The following PLEKHM1 variants were observed in gnomAD, a reference collection of about 807,000 sequenced individuals.
PLEKHM1 encodes pleckstrin homology and RUN domain containing M1.
PLEKHM1 carries 28 observed loss-of-function variants against 94.3 expected under a neutral mutation model. That is an observed-to-expected ratio of 0.30 (90% CI 0.22 to 0.41). PLEKHM1 has a LOEUF of 0.41. Ranked by LOEUF, PLEKHM1 falls within the 10% of genes least tolerant of loss-of-function variation. The pLI, the probability that PLEKHM1 is intolerant of heterozygous loss-of-function variation, is 1.00. For synonymous variants in PLEKHM1, 424 were observed against 581.2 expected, an observed-to-expected ratio of 0.73 and a Z score of 3.89; for missense variants, 907 against 1,358.6, an observed-to-expected ratio of 0.67 and a Z score of 5.22.
At chr17:45,458,584 C>A (rs963388909) in intron 5 of PLEKHM1, 145 bp from the exon 6 acceptor site, 1 of 791,828 alleles carries the variant, frequency 1.3e-6, no homozygotes, top group Admixed American at 2.1e-5. Context: ...GATTCTCCTG[C>A]CCCAGTCTCC....
rs1210772055 is a variant in PLEKHM1, at chr17:45,478,016, A to G, written c.180T>C (p.His60=). The G allele has an allele frequency of 3.7e-6, 6 of 1,614,162 alleles. No homozygotes were observed. Among genetic ancestry groups the G allele is most frequent in the East Asian group, 4.5e-5 (2 of 44,886 alleles). ...MCSALEAVFI[H]GLHAKHIRAE... ...CTCGGATGTGCTTGGCGTGCAGGCC[A>G]TGGATAAATACGGCCTCCAGGGCGC... The change falls in exon 3 of 12, where the codon CAT becomes CAC. Residue 60 remains histidine (H), a synonymous_variant. Coordinates refer to ENST00000430334, the MANE Select transcript of PLEKHM1 (RefSeq NM_014798.3).
chr17:45,445,596 A>G lies in PLEKHM1; in HGVS notation c.2711T>C (p.Val904Ala), dbSNP rs749387242. The change falls in exon 9 of 12, where the codon GTG becomes GCG. Residue 904 changes from valine to alanine, a missense_variant. Physicochemically the swap from Val to Ala is moderately conservative, Grantham distance 64 (BLOSUM62 0). This residue lies in a region of PLEKHM1 where 254 missense variants were observed against 451.1 expected (regional missense o/e 0.56). Coordinates refer to ENST00000430334, the MANE Select transcript of PLEKHM1 (RefSeq NM_014798.3). This position sits in a 1 kb window ranked among gnomAD's most constrained non-coding sequence, Gnocchi z 4.2. ...CACATGCTCGTACAGAGACGCGTTC[A>G]CCATCTGCAGGTTGATGAGGGGCTG... ...RAQPLINLQMVNASLYEHVER... is the reference protein window; with the variant it reads ...RAQPLINLQMANASLYEHVER... 3 of 1,613,756 alleles carry G rather than the reference A, an allele frequency of 1.9e-6. No homozygotes were observed. The highest frequency in any genetic ancestry group is 2.2e-5 in the South Asian group (2 of 91,074).
In PLEKHM1 at chr17:45,468,524, C is replaced by A. The variant is rs761357132; in HGVS notation, c.993G>T (p.Glu331Asp). The A allele has an allele frequency of 6.2e-7, 1 of 1,614,204 alleles. No homozygotes were observed. Among genetic ancestry groups the A allele is most frequent in the Admixed American group, 1.7e-5 (1 of 60,026 alleles). Residue 331 changes from glutamate (E) to aspartate (D), a missense_variant, in exon 5 of 12, where the codon GAG becomes GAT. Around this residue, in one of 3 missense-constraint regions of PLEKHM1, gnomAD observed 477 missense variants for 601.5 expected, o/e 0.79. Coordinates refer to ENST00000430334, the MANE Select transcript of PLEKHM1 (RefSeq NM_014798.3). The part of the protein sequence containing the change: ...VPTNGLSQET[E>D]IPTPQASLSL... ...AGAGCGAGGCCTGTGGTGTGGGGATCTCTGTTTCTTGGCTCAGTCCGTTGG... is the reference window on the plus strand; with the variant it reads ...AGAGCGAGGCCTGTGGTGTGGGGATATCTGTTTCTTGGCTCAGTCCGTTGG...
chr17:45,479,496 C>T (rs56159231), intron 2 of PLEKHM1, among the ~76,000 whole-genome samples: 17,682 of 138,334 alleles, frequency 0.13, 1,467 homozygotes, highest in Middle Eastern at 0.22. Context: ...CCAGCCTGGG[C>T]GACAGAGCGA....
rs1242064463 is a variant in PLEKHM1, at chr17:45,436,258, G to A, written c.*1600C>T. ...AGGGCTCTGACTAGGCTGGGCTTGT[G>A]GTGGAGCGTTAATGTGGGCCATGGC... On this transcript the variant is annotated 3_prime_UTR_variant, in exon 12 of 12. Coordinates refer to ENST00000430334, the MANE Select transcript of PLEKHM1 (RefSeq NM_014798.3). The A allele has an allele frequency of 2.2e-6, 1 of 454,148 alleles. No homozygotes were observed. The highest frequency in any genetic ancestry group is 4.4e-6 in the Non-Finnish European group (1 of 226,872). The allele number at this position is 454,148 out of a possible 1,614,324, so 28.1% of individuals were successfully genotyped here.
intron 2 of PLEKHM1, among the ~76,000 whole-genome samples, chr17:45,479,970 G>T (rs931145837): frequency 4.6e-5 from 7 of 152,202 alleles, no homozygotes; most frequent in Admixed American, 4.6e-4. Context: ...GGTTTGAATT[G>T]TTGGGTGATA....
At position 45,475,423 on chromosome 17, in the gene PLEKHM1, C is replaced by T. The variant is rs143523766; in HGVS notation, c.600G>A (p.Pro200=). The T allele has an allele frequency of 4.9e-4, 787 of 1,611,762 alleles. 4 individuals are homozygous for T. The African/African-American group carries it at 8.8e-3, about 18-fold the overall frequency. Reference sequence around the variant, plus strand: ...TAGAGAGAGGGTCCAGCTCAGAAAGCGGGCAAAGCCCAGACAGGGCCAATG... The same window carrying T: ...TAGAGAGAGGGTCCAGCTCAGAAAGTGGGCAAAGCCCAGACAGGGCCAATG... ...LTPLALSGLC[P]LSELDPLSTS... Residue 200 remains proline (P), a synonymous_variant, in exon 4 of 12, where the codon CCG becomes CCA. Transcript: ENST00000430334.
chr17:45,455,934 G>C (rs1266604794), intron 6 of PLEKHM1, among the ~76,000 whole-genome samples: 1 of 152,172 alleles, frequency 6.6e-6, no homozygotes, highest in African/African-American at 2.4e-5. Context: ...TCGTCAGATT[G>C]ACCTCATCGC....
rs2050589840 is a variant in PLEKHM1 at position 45,445,788 on chromosome 17, T to C, written c.2644-125A>G. 1.4e-6 allele frequency: 1 copy of C among 716,074 alleles called. No individual in the cohort carries two copies. The highest frequency in any genetic ancestry group is 2.5e-6 in the Non-Finnish European group (1 of 402,132). 44.4% of individuals were successfully genotyped at this position (716,074 alleles called of 1,614,324 possible). A position where few individuals can be genotyped will look rare whatever the true frequency, so the allele number is the denominator to read the frequency against. The stretch of plus-strand genomic sequence containing the variant: ...ATCTTCATTTTACAGATGGGGAAAC[T>C]GAGGCTCAAGGAGATGAAGAGATTT... On this transcript the variant is annotated intron_variant, in intron 8 of 11. Transcript: ENST00000430334. The surrounding 1 kb of genome is among the most constrained non-coding windows in gnomAD (Gnocchi z 4.2).
At chr17:45,486,751 C>T (rs1324286716) in intron 1 of PLEKHM1, among the ~76,000 whole-genome samples, 3 of 152,086 alleles carry the variant, frequency 2.0e-5, no homozygotes, top group Middle Eastern at 3.2e-3. Context: ...TCTGGGGTTC[C>T]AGCCACAATG....
chr17:45,454,758 C>T, intron 6 of PLEKHM1: 2 of 257,242 alleles, frequency 7.8e-6, no homozygotes, highest in Non-Finnish European at 7.6e-6. Flanking sequence ...AAACACCTCT[C>T]GTCTCCATGC....
At chr17:45,435,166 C>T (rs2050228569), downstream of PLEKHM1, among the ~76,000 whole-genome samples, 1 of 152,032 alleles carries the variant, frequency 6.6e-6, no homozygotes, top group Non-Finnish European at 1.5e-5. Context: ...GGAGGTGAAG[C>T]CCTTGGGGGA....
intron 1 of PLEKHM1, 122 bp from the exon 2 acceptor site, chr17:45,482,647 C>T (rs71244259): frequency 5.7e-6 from 4 of 705,992 alleles, no homozygotes; most frequent in Non-Finnish European, 1.0e-5. Context: ...AAGGCCTTTG[C>T]AGAACACAAA....
downstream of PLEKHM1, among the ~76,000 whole-genome samples, chr17:45,435,655 G>C (rs1320947279): frequency 3.3e-5 from 5 of 152,230 alleles, no homozygotes; most frequent in East Asian, 7.7e-4. Flanking sequence ...CCTCCCCAGA[G>C]ACCCTGAGAT....
chr17:45,442,015 C>T (rs1243616410), intron 9 of PLEKHM1, among the ~76,000 whole-genome samples: 1 of 152,194 alleles, frequency 6.6e-6, no homozygotes, highest in South Asian at 2.1e-4. Flanking sequence ...CCACCTGTCT[C>T]CTGAGCCCTG....
chr17:45,471,584 T>C (rs371331056), intron 4 of PLEKHM1, among the ~76,000 whole-genome samples: 2,778 of 151,544 alleles, frequency 0.018, 98 homozygotes, highest in African/African-American at 0.064. Context: ...AGTGAAACCC[T>C]TTCTCTACAA....
Position 45,458,156 on chromosome 17 carries a change from C to T in PLEKHM1, c.1579+13G>A. On this transcript the variant is annotated intron_variant, in intron 6 of 11. Coordinates refer to ENST00000430334, the MANE Select transcript of PLEKHM1 (RefSeq NM_014798.3). ...GCAGATGGGACCCACCCGGGACCCT[C>T]CTGGTAACCTACCCATCTGTCTCCG... The T allele has an allele frequency of 1.2e-6, 2 of 1,612,430 alleles. No individual in the cohort carries two copies. Among genetic ancestry groups the T allele is most frequent in the South Asian group, 1.1e-5 (1 of 90,674 alleles).
chr17:45,455,169 C>T (rs907035692), intron 6 of PLEKHM1, among the ~76,000 whole-genome samples: 1 of 152,166 alleles, frequency 6.6e-6, no homozygotes, highest in Non-Finnish European at 1.5e-5. Flanking sequence ...TTTCCCTGCT[C>T]CCATTCCTTC....
At chr17:45,473,940 G>A (rs1218465761) in intron 4 of PLEKHM1, among the ~76,000 whole-genome samples, 2 of 152,066 alleles carry the variant, frequency 1.3e-5, no homozygotes, top group Non-Finnish European at 2.9e-5. Context: ...TTTTAGGGGT[G>A]GGAGGAAAGA....
Sources: allele counts gnomAD v4.1 joint callset (sites outside exome capture counted in the v4.1 genomes callset), GRCh38; gene constraint gnomAD v4.1.1; regional missense constraint gnomAD v4.1.1; non-coding constraint Gnocchi (gnomAD v3.1); transcripts MANE v1.5; gene names NCBI Gene and HGNC (gene_info 2026-07-23, HGNC 2026-07-21).